FOXP1: variants seen among roughly 807,000 people sequenced by gnomAD.
The protein encoded by FOXP1 is forkhead box P1.
Under a neutral mutation model 98.2 loss-of-function variants are expected in FOXP1, and 15 were observed. The observed-to-expected ratio is 0.15, with a 90% CI of 0.10 to 0.24. The LOEUF (loss-of-function observed/expected upper bound fraction) is 0.24. FOXP1 is among the 10% of genes least tolerant of loss of function. The pLI, the probability that FOXP1 is intolerant of heterozygous loss-of-function variation, is 1.00. For synonymous variants in FOXP1, 371 were observed against 314.5 expected (o/e 1.18, Z -1.90); for missense variants, 633 against 848.5 (o/e 0.75, Z 3.15).
chr3:71,577,786 C>T (rs917263390), intron 2 of FOXP1, among the ~76,000 whole-genome samples: 2 of 151,028 alleles, frequency 1.3e-5, no homozygotes, highest in African/African-American at 4.9e-5. Flanking sequence ...CTACCATCAA[C>T]TTAAAAAAAA....
intron 7 of FOXP1, among the ~76,000 whole-genome samples, chr3:71,102,272 T>C (rs1426943332): frequency 6.6e-6 from 1 of 152,176 alleles, no homozygotes; most frequent in Non-Finnish European, 1.5e-5. Context: ...CCCAAATCTG[T>C]TTCTAATATA....
intron 2 of FOXP1, among the ~76,000 whole-genome samples, chr3:71,579,056 A>ACT (rs2047943197): frequency 6.6e-6 from 1 of 152,180 alleles, no homozygotes; most frequent in Non-Finnish European, 1.5e-5. Context: ...TGGTTATGAA[A>ACT]CTCTGGCTTA....
chr3:71,561,407 CAAAA>C (rs56792827), intron 2 of FOXP1, among the ~76,000 whole-genome samples: 1 of 40,308 alleles, frequency 2.5e-5, no homozygotes, highest in African/African-American at 6.1e-5. Flanking sequence ...TAAAGCTGGC[CAAAA>C]AAAAAAAAAA....
intron 6 of FOXP1, chr3:71,130,406 T>A: frequency 2.3e-6 from 3 of 1,278,640 alleles, no homozygotes; most frequent in Non-Finnish European, 3.3e-6. Context: ...ATCACCTTAT[T>A]TCGCCCTTCA....
At chr3:71,566,744 T>C (rs957170079) in intron 2 of FOXP1, among the ~76,000 whole-genome samples, 6 of 152,140 alleles carry the variant, frequency 3.9e-5, no homozygotes, top group African/African-American at 1.2e-4. Flanking sequence ...GTGCCCTCCA[T>C]TGATTTTGAA....
chr3:71,444,992 T>C (rs758347794), intron 3 of FOXP1, among the ~76,000 whole-genome samples: 15 of 152,292 alleles, frequency 9.8e-5, no homozygotes, highest in Non-Finnish European at 1.8e-4. Flanking sequence ...GTGCACAATG[T>C]GGCCGGGCAG....
In FOXP1 at chr3:71,204,985, G is replaced by A. The variant is rs567892386; in HGVS notation, c.-11-6593C>T. On this transcript the variant is annotated intron_variant, in intron 5 of 20. Coordinates refer to ENST00000649528, the MANE Select transcript of FOXP1 (RefSeq NM_001349338.3). ...GTGCTGACTGTGTTATGAAGGCACCGTCTTCCAATACCACATTTTCATAAT... is the reference window on the plus strand; with the variant it reads ...GTGCTGACTGTGTTATGAAGGCACCATCTTCCAATACCACATTTTCATAAT... 2.6e-4 allele frequency among the ~76,000 whole-genome samples: 40 copies of A among 152,234 alleles called. No homozygotes were observed. The South Asian group carries it at 2.9e-3, about 11-fold the overall frequency.
chr3:71,177,215 ACT>A (rs888850466), intron 6 of FOXP1, among the ~76,000 whole-genome samples: 3 of 152,104 alleles, frequency 2.0e-5, no homozygotes, highest in Admixed American at 6.6e-5. Flanking sequence ...GTGAAGCAGG[ACT>A]CTCTCCCGTT....
chr3:70,986,693 CT>C (rs1228387703), intron 14 of FOXP1, among the ~76,000 whole-genome samples: 2 of 152,002 alleles, frequency 1.3e-5, no homozygotes, highest in African/African-American at 4.8e-5. Flanking sequence ...TGACCTGGTT[CT>C]TTTTTTTCCT....
At chr3:71,441,718 T>C (rs150651585) in intron 3 of FOXP1, among the ~76,000 whole-genome samples, 12 of 152,308 alleles carry the variant, frequency 7.9e-5, no homozygotes, top group Non-Finnish European at 1.5e-4. Flanking sequence ...CTCAAACTCA[T>C]TCTGGCTTGT....
At chr3:71,331,816 C>T (rs545344492) in intron 4 of FOXP1, among the ~76,000 whole-genome samples, 3 of 152,264 alleles carry the variant, frequency 2.0e-5, no homozygotes, top group South Asian at 4.1e-4. Context: ...TTTGTCAACA[C>T]ACCAATCAGC....
chr3:71,182,909 T>G (rs1191780347), intron 6 of FOXP1, among the ~76,000 whole-genome samples: 3 of 148,684 alleles, frequency 2.0e-5, no homozygotes, highest in Non-Finnish European at 3.0e-5. Flanking sequence ...ATTGACAGCA[T>G]GTTGCTTTTA....
intron 5 of FOXP1, among the ~76,000 whole-genome samples, chr3:71,266,342 C>CA (rs1292224075): frequency 6.6e-6 from 1 of 151,992 alleles, no homozygotes; most frequent in Non-Finnish European, 1.5e-5. Flanking sequence ...CTCTGCCCCC[C>CA]AGGTTTAAGC....
intron 7 of FOXP1, among the ~76,000 whole-genome samples, chr3:71,060,883 A>C (rs1159083706): frequency 6.6e-6 from 1 of 152,184 alleles, no homozygotes; most frequent in African/African-American, 2.4e-5. Flanking sequence ...AGTTGCTTTT[A>C]ACCGGATTTG....
intron 6 of FOXP1, among the ~76,000 whole-genome samples, chr3:71,123,778 G>T (rs931415733): frequency 6.6e-6 from 1 of 151,978 alleles, no homozygotes; most frequent in Non-Finnish European, 1.5e-5. Flanking sequence ...TCTTTTTTTG[G>T]TGGAGGTGGT....
At chr3:71,294,139 T>C (rs2073043744) in intron 5 of FOXP1, among the ~76,000 whole-genome samples, 1 of 152,224 alleles carries the variant, frequency 6.6e-6, no homozygotes, top group South Asian at 2.1e-4. Flanking sequence ...TAAGTGCTAA[T>C]AGTTACTAGG....
At chr3:71,144,960 T>C (rs1430927983) in intron 6 of FOXP1, among the ~76,000 whole-genome samples, 1 of 152,220 alleles carries the variant, frequency 6.6e-6, no homozygotes, top group Non-Finnish European at 1.5e-5. Context: ...TGGCTTTTTT[T>C]GACTTAATAC....
intron 3 of FOXP1, among the ~76,000 whole-genome samples, chr3:71,450,502 A>G (rs2086849118): frequency 6.6e-6 from 1 of 152,216 alleles, no homozygotes; most frequent in Non-Finnish European, 1.5e-5. Context: ...TTACCAAGCT[A>G]CGAAATAAGT....
chr3:70,968,688 C>T (rs2035512744), intron 19 of FOXP1: 1 of 152,102 alleles, frequency 6.6e-6, no homozygotes, highest in Non-Finnish European at 1.5e-5. Flanking sequence ...ATTCTGCTGT[C>T]CTATTTTATA....
Sources: allele counts gnomAD v4.1 joint callset (sites outside exome capture counted in the v4.1 genomes callset), GRCh38; gene constraint gnomAD v4.1.1; transcripts MANE v1.5; gene names NCBI Gene and HGNC (gene_info 2026-07-23, HGNC 2026-07-21).